HMCN2: variants seen among roughly 807,000 people sequenced by gnomAD.
HMCN2 encodes hemicentin 2.
HMCN2 carries 325 observed loss-of-function variants against 377.5 expected under a neutral mutation model. The observed-to-expected ratio is 0.86, with a 90% CI of 0.79 to 0.94. HMCN2 has a LOEUF of 0.94. HMCN2 is among the 40% of genes least tolerant of loss of function. HMCN2 has a pLI of 0.00. For missense variants in HMCN2, 4,543 were observed against 4,725.3 expected (o/e 0.96, Z 1.13); for synonymous variants, 2,007 against 2,046.8 (o/e 0.98, Z 0.53).
intron 14 of HMCN2, among the ~76,000 whole-genome samples, chr9:130,309,016 G>T (rs1363878847): frequency 6.6e-6 from 1 of 152,242 alleles, no homozygotes; most frequent in Non-Finnish European, 1.5e-5. Flanking sequence ...TTCTGTGGAG[G>T]CCAGTGATGG....
Position 130,362,995 on chromosome 9 carries a change from G to A in HMCN2, c.6232+5G>A, listed in dbSNP as rs1840468491. The A allele has an allele frequency of 1.0e-6, 1 of 985,840 alleles. No individual in the cohort carries two copies. The highest frequency in any genetic ancestry group is 4.7e-5 in the South Asian group (1 of 21,290). The allele number at this position is 985,840 out of a possible 1,614,324, so 61.1% of individuals were successfully genotyped here. A position where few individuals can be genotyped will look rare whatever the true frequency, so the allele number is the denominator to read the frequency against. The stretch of plus-strand genomic sequence containing the variant: ...ATGTTGTCCTGCAAGTCCACAGTGA[G>A]TCTCAGACTGGGAAAGCCATGTGGT... On this transcript the variant is annotated splice_donor_5th_base_variant and intron_variant, in intron 40 of 97. Coordinates refer to ENST00000683500, the MANE Select transcript of HMCN2 (RefSeq NM_001291815.2).
chr9:130,283,450 T>C (rs1835252327), intron 1 of HMCN2, among the ~76,000 whole-genome samples: 1 of 148,978 alleles, frequency 6.7e-6, no homozygotes, highest in Non-Finnish European at 1.5e-5. Context: ...GATCATTTGT[T>C]CTAGTGCTTT....
intron 51 of HMCN2, 69 bp downstream of exon 51, chr9:130,376,058 C>T (rs1168636129): frequency 3.5e-6 from 2 of 570,428 alleles, no homozygotes; most frequent in Non-Finnish European, 4.4e-6. Flanking sequence ...GGCCCAGGCA[C>T]CTGAGCCACC....
rs1046173284 is a variant in HMCN2 at position 130,348,581 on chromosome 9, A to G, written c.4061A>G (p.Asn1354Ser). 6 of 1,304,152 alleles carry G rather than the reference A, an allele frequency of 4.6e-6. No homozygotes were observed. Among genetic ancestry groups the G allele is most frequent in the Admixed American group, 2.3e-5 (1 of 43,550 alleles). The allele number at this position is 1,304,152 out of a possible 1,614,324, so 80.8% of individuals were successfully genotyped here. ...ATCCGGGAGGACGGGCGCAAGGCCA[A>G]CGTGTCGGGTATGGCCGGGCAGTCC... ...PSIREDGRKANVSGMAGQSLT... is the reference protein window; with the variant it reads ...PSIREDGRKASVSGMAGQSLT... Residue 1354 changes from asparagine to serine, a missense_variant, in exon 27 of 98, where the codon AAC becomes AGC. Transcript: ENST00000683500.
At chr9:130,427,217 C>A in intron 90 of HMCN2, 96 bp from the exon 91 acceptor site, 1 of 1,300,504 alleles carries the variant, frequency 7.7e-7, no homozygotes, top group Non-Finnish European at 1.1e-6. Context: ...CCTGGCTAAG[C>A]TGGCAGTGGG....
rs769747014 is a variant in HMCN2, at chr9:130,355,824, A to G, written c.5225A>G (p.Gln1742Arg). The G allele has an allele frequency of 7.7e-7, 1 of 1,303,846 alleles. No individual in the cohort carries two copies. Among genetic ancestry groups the G allele is most frequent in the South Asian group, 1.2e-5 (1 of 81,018 alleles). 80.8% of individuals were successfully genotyped at this position (1,303,846 alleles called of 1,614,324 possible). The change falls in exon 33 of 98, where the codon CAG becomes CGG. Residue 1742 changes from glutamine (Q) to arginine (R), a missense_variant. By Grantham distance (43) the Gln-to-Arg change is conservative. Around this residue, in one of 5 missense-constraint regions of HMCN2, gnomAD observed 1,032 missense variants for 1,285.1 expected, o/e 0.80. Transcript: ENST00000683500. ...IVGQPLELPC[Q>R]ASGSPVPTIQ... is the part of the protein sequence containing the mutation. ...GGACAGCCCCTGGAACTTCCCTGCC[A>G]GGCCTCAGGCTCCCCAGTACCCACT...
intron 30 of HMCN2, among the ~76,000 whole-genome samples, chr9:130,352,609 C>T (rs1276838974): frequency 3.9e-5 from 6 of 152,180 alleles, no homozygotes; most frequent in South Asian, 2.1e-4. Flanking sequence ...TCTCATTTCA[C>T]AGATGGGGAG....
At chr9:130,350,378 C>CAAAAAAAAAAAAA (rs1448443171) in intron 29 of HMCN2, among the ~76,000 whole-genome samples, 12 of 74,714 alleles carry the variant, frequency 1.6e-4, no homozygotes, top group African/African-American at 3.0e-4. Context: ...GCTAAAAATA[C>CAAAAAAAAAAAAA]AAAAAAATAC....
Position 130,433,641 on chromosome 9 carries a change from G to A in HMCN2, c.15188G>A (p.Arg5063His). The A allele has an allele frequency of 2.0e-6, 3 of 1,518,150 alleles. No homozygotes were observed. Among genetic ancestry groups the A allele is most frequent in the Non-Finnish European group, 2.6e-6 (3 of 1,134,208 alleles). 94.0% of individuals were successfully genotyped at this position (1,518,150 alleles called of 1,614,324 possible). Residue 5063 changes from arginine to histidine, a missense_variant, in exon 98 of 98, where the codon CGC becomes CAC. This residue lies in a region of HMCN2 where 1,155 missense variants were observed against 1,157.7 expected (regional missense o/e 1.00). Transcript: ENST00000683500. ...YRLTVRAAAP[R>H]HQSVFVLLIA... The stretch of plus-strand genomic sequence containing the variant: ...CTCACCGTGCGTGCTGCGGCACCGC[G>A]CCACCAAAGCGTCTTCGTCTTGCTC...
At chr9:130,354,148 A>C (rs1839893714) in intron 31 of HMCN2, among the ~76,000 whole-genome samples, 2 of 152,358 alleles carry the variant, frequency 1.3e-5, no homozygotes, top group South Asian at 4.1e-4. Flanking sequence ...GTTAAGAAGC[A>C]TCTCCCAGGC....
In HMCN2 at chr9:130,429,411, T is replaced by A. The variant is rs1187099072; in HGVS notation, c.14198-146T>A. The A allele has an allele frequency of 4.2e-6, 4 of 946,928 alleles. No homozygotes were observed. In the East Asian group the frequency reaches 1.1e-4, roughly 26 times the overall value. The allele number at this position is 946,928 out of a possible 1,614,324, so 58.7% of individuals were successfully genotyped here. A position where few individuals can be genotyped will look rare whatever the true frequency, so the allele number is the denominator to read the frequency against. On this transcript the variant is annotated intron_variant, in intron 93 of 97. Transcript: ENST00000683500. ...AACCTGGTATAACTGGGGGAGGTGCTGTGAGGGCGGCCATGCAGCCTGGTG... is the reference window on the plus strand; with the variant it reads ...AACCTGGTATAACTGGGGGAGGTGCAGTGAGGGCGGCCATGCAGCCTGGTG...
intron 19 of HMCN2, among the ~76,000 whole-genome samples, chr9:130,322,362 CCATCT>C (rs1837904413): frequency 6.6e-6 from 1 of 151,064 alleles, no homozygotes; most frequent in Non-Finnish European, 1.5e-5. Context: ...ATCTATCTAT[CCATCT>C]GTCTATCTAT....
At position 130,351,522 on chromosome 9, in the gene HMCN2, C is replaced by A. The variant is rs561062479; in HGVS notation, c.4530C>A (p.Cys1510Ter). The change falls in exon 30 of 98, where the codon TGC (cysteine) becomes TGA (stop). Residue 1510 changes from cysteine to a stop codon, truncating the protein, a stop_gained. Coordinates refer to ENST00000683500, the MANE Select transcript of HMCN2 (RefSeq NM_001291815.2). LOFTEE classifies it high-confidence loss of function. The surrounding 1 kb of genome is among the most constrained non-coding windows in gnomAD (Gnocchi z 5.4). ...TGGGGGATGAGGGACGATACCAGTG[C>A]GTGGCCTTCAGCCCAGCTGGTCAGC... ...SHVGDEGRYQ[C>*]VAFSPAGQQA... 1.0e-5 allele frequency: 13 copies of A among 1,304,122 alleles called. No individual in the cohort carries two copies. Among genetic ancestry groups the A allele is most frequent in the African/African-American group, 1.5e-5 (1 of 65,870 alleles). 80.8% of individuals were successfully genotyped at this position (1,304,122 alleles called of 1,614,324 possible).
intron 43 of HMCN2, among the ~76,000 whole-genome samples, chr9:130,367,774 C>G (rs910800560): frequency 6.6e-6 from 1 of 151,786 alleles, no homozygotes; most frequent in African/African-American, 2.4e-5. Context: ...CACCCCGTCT[C>G]TACTAAAAAA....
Position 130,365,553 on chromosome 9 carries a change from T to C in HMCN2, c.6409-78T>C, listed in dbSNP as rs1004626779. ...GGGCTCAGCAAGGTCACGTGACATG[T>C]CTGCAGTCACACAGTCTGTCCAGGG... is the stretch of plus-strand genomic sequence containing the variant. On this transcript the variant is annotated intron_variant, in intron 41 of 97. Coordinates refer to ENST00000683500, the MANE Select transcript of HMCN2 (RefSeq NM_001291815.2). 17 of 685,804 alleles carry C rather than the reference T, an allele frequency of 2.5e-5. No individual in the cohort carries two copies. In the African/African-American group the frequency reaches 3.3e-4, roughly 13 times the overall value. 42.5% of individuals were successfully genotyped at this position (685,804 alleles called of 1,614,324 possible). A position where few individuals can be genotyped will look rare whatever the true frequency, so the allele number is the denominator to read the frequency against.
intron 1 of HMCN2, among the ~76,000 whole-genome samples, chr9:130,283,650 T>C (rs1307326457): frequency 6.6e-6 from 1 of 152,200 alleles, no homozygotes; most frequent in Non-Finnish European, 1.5e-5. Flanking sequence ...ATTTTGACTG[T>C]TCCAGAACTT....
chr9:130,331,341 A>G (rs1036344897), intron 22 of HMCN2, among the ~76,000 whole-genome samples: 5 of 152,318 alleles, frequency 3.3e-5, no homozygotes, highest in East Asian at 3.9e-4. Context: ...ACGGTCCCAG[A>G]AGCCAACGGT....
intron 55 of HMCN2, 106 bp downstream of exon 55, chr9:130,382,403 A>G: frequency 2.5e-6 from 1 of 397,358 alleles, no homozygotes; most frequent in Non-Finnish European, 3.4e-6. Context: ...CTGTACTCAG[A>G]GGTTGAAATT....
intron 85 of HMCN2, among the ~76,000 whole-genome samples, chr9:130,418,247 C>T (rs1843799125): frequency 1.3e-5 from 2 of 152,116 alleles, no homozygotes; most frequent in East Asian, 1.9e-4. Flanking sequence ...AAGGTAGTTA[C>T]GATCTATTGC....
Sources: allele counts gnomAD v4.1 joint callset (sites outside exome capture counted in the v4.1 genomes callset), GRCh38; gene constraint gnomAD v4.1.1; regional missense constraint gnomAD v4.1.1; non-coding constraint Gnocchi (gnomAD v3.1); transcripts MANE v1.5; gene names NCBI Gene and HGNC (gene_info 2026-07-23, HGNC 2026-07-21).